RASA3: variants seen among roughly 807,000 people sequenced by gnomAD.
RASA3 encodes the protein RAS p21 protein activator 3, also known as ras GTPase-activating protein 3.
Under a neutral mutation model 110.0 loss-of-function variants are expected in RASA3, and 73 were observed. The observed-to-expected ratio is 0.66, with a 90% CI of 0.55 to 0.81. The LOEUF is 0.81. RASA3 is among the 30% of genes least tolerant of loss of function. The pLI, the probability that RASA3 is intolerant of heterozygous loss-of-function variation, is 0.00. For synonymous variants in RASA3, 500 were observed against 451.4 expected (o/e 1.11, Z -1.37); for missense variants, 976 against 1,113.2 (o/e 0.88, Z 1.75).
At chr13:114,103,513 A>ACCG (rs1394655224) in intron 1 of RASA3, among the ~76,000 whole-genome samples, 2 of 151,080 alleles carry the variant, frequency 1.3e-5, no homozygotes, top group African/African-American at 4.9e-5. Flanking sequence ...TCGGCTCAGC[A>ACCG]CCACCACCCC....
intron 2 of RASA3, among the ~76,000 whole-genome samples, chr13:114,070,123 G>A (rs1403416039): frequency 5.3e-5 from 6 of 112,238 alleles, no homozygotes; most frequent in Admixed American, 8.7e-5. Context: ...CAGGAGACTC[G>A]GGGGCTGGGA....
At chr13:114,104,709 G>A (rs1055507262) in intron 1 of RASA3, among the ~76,000 whole-genome samples, 1 of 152,120 alleles carries the variant, frequency 6.6e-6, no homozygotes, top group African/African-American at 2.4e-5. Context: ...CGAAACTTTG[G>A]TTTTCCGTTC....
chr13:114,031,463 T>G (rs1462250168), intron 4 of RASA3, among the ~76,000 whole-genome samples: 1 of 151,828 alleles, frequency 6.6e-6, no homozygotes, highest in African/African-American at 2.4e-5. Context: ...CTGTAGTGTG[T>G]GGCTGTGTGC....
At position 113,992,615 on chromosome 13, in the gene RASA3, G is replaced by T. The variant is rs752560821; in HGVS notation, c.2142-27C>A. ...TGTCCAGACACAGCAAGAACAGAAA[G>T]ATAAAAACACTTATTTAAACGATGC... On this transcript the variant is annotated intron_variant, in intron 21 of 23. Transcript: ENST00000334062. 4 of 1,514,914 alleles carry T rather than the reference G, an allele frequency of 2.6e-6. No individual in the cohort carries two copies. In the East Asian group the frequency reaches 9.1e-5, roughly 34 times the overall value. The allele number at this position is 1,514,914 out of a possible 1,614,324, so 93.8% of individuals were successfully genotyped here.
chr13:114,045,126 G>A (rs1175318137), intron 3 of RASA3, among the ~76,000 whole-genome samples: 1 of 152,134 alleles, frequency 6.6e-6, no homozygotes, highest in Non-Finnish European at 1.5e-5. Flanking sequence ...TCAACAATGG[G>A]GACCGTGGAC....
At chr13:113,995,433 G>A (rs564975620) in intron 21 of RASA3, among the ~76,000 whole-genome samples, 181 of 152,388 alleles carry the variant, frequency 1.2e-3, no homozygotes, top group Non-Finnish European at 2.0e-3. Context: ...CCAGCATGGA[G>A]CACAGCTCAT....
intron 23 of RASA3, among the ~76,000 whole-genome samples, chr13:113,980,064 T>A (rs2052879730): frequency 7.7e-6 from 1 of 130,284 alleles, no homozygotes; most frequent in South Asian, 2.6e-4. Flanking sequence ...TGTGTGCACC[T>A]CCTCCCATGT....
intron 1 of RASA3, among the ~76,000 whole-genome samples, chr13:114,089,981 G>A (rs2079871076): frequency 6.6e-6 from 1 of 152,102 alleles, no homozygotes; most frequent in South Asian, 2.1e-4. Context: ...TCACAGCTCT[G>A]CCCATCTTCC....
At chr13:114,047,682 T>C (rs911610927) in intron 3 of RASA3, among the ~76,000 whole-genome samples, 13 of 152,234 alleles carry the variant, frequency 8.5e-5, no homozygotes, top group East Asian at 1.9e-4. Flanking sequence ...GAGCTGTGTC[T>C]GTATGATGGA....
intron 4 of RASA3, among the ~76,000 whole-genome samples, chr13:114,030,460 A>ACAGGAGGCAAGACTCACG (rs1594352658): frequency 2.0e-5 from 2 of 98,496 alleles, no homozygotes; most frequent in East Asian, 3.7e-4. Context: ...CAAGGCTCAC[A>ACAGGAGGCAAGACTCACG]CAGAGGGCAA....
chr13:114,040,194 C>T (rs1366675920), intron 4 of RASA3, among the ~76,000 whole-genome samples: 2 of 152,228 alleles, frequency 1.3e-5, no homozygotes, highest in South Asian at 2.1e-4. Flanking sequence ...AGGCTCACTC[C>T]GAGCACAAGT....
intron 20 of RASA3, among the ~76,000 whole-genome samples, chr13:113,997,900 T>C (rs954546702): frequency 1.3e-5 from 2 of 152,120 alleles, no homozygotes; most frequent in African/African-American, 4.8e-5. Flanking sequence ...CCGGCACATG[T>C]GTATAGGTCT....
chr13:114,010,489 A>T (rs1180222721), intron 16 of RASA3, among the ~76,000 whole-genome samples: 1 of 151,422 alleles, frequency 6.6e-6, no homozygotes, highest in Non-Finnish European at 1.5e-5. Context: ...CAGATGCCTG[A>T]GGGACTCCTG....
At chr13:114,003,476 A>G (rs529671323) in intron 18 of RASA3, among the ~76,000 whole-genome samples, 1 of 152,364 alleles carries the variant, frequency 6.6e-6, no homozygotes, top group African/African-American at 2.4e-5. Flanking sequence ...TGAAATGTAG[A>G]AAGTAAAAAG....
intron 2 of RASA3, among the ~76,000 whole-genome samples, chr13:114,070,068 A>T (rs1289382508): frequency 2.1e-5 from 1 of 47,204 alleles, no homozygotes; most frequent in African/African-American, 9.5e-5. Context: ...GGACTGGGAG[A>T]CTCGGGGAGC....
At chr13:114,095,615 C>T (rs771549606) in intron 1 of RASA3, among the ~76,000 whole-genome samples, 13 of 152,112 alleles carry the variant, frequency 8.5e-5, no homozygotes, top group Non-Finnish European at 1.8e-4. Context: ...GTCATGCACA[C>T]ACCTTCACAT....
intron 2 of RASA3, among the ~76,000 whole-genome samples, chr13:114,053,789 AATTAAAAAC>A (rs1234679355): frequency 6.6e-6 from 1 of 152,262 alleles, no homozygotes; most frequent in Non-Finnish European, 1.5e-5. Context: ...ACTTCATCAA[AATTAAAAAC>A]ATTAAAAACT....
chr13:114,009,814 T>G (rs560193719), intron 16 of RASA3, among the ~76,000 whole-genome samples: 3 of 152,158 alleles, frequency 2.0e-5, no homozygotes, highest in Non-Finnish European at 4.4e-5. Flanking sequence ...CCTGGAGTCA[T>G]AGGCCAGGGT....
At chr13:114,100,526 G>T (rs185213431) in intron 1 of RASA3, among the ~76,000 whole-genome samples, 1 of 152,222 alleles carries the variant, frequency 6.6e-6, no homozygotes, top group East Asian at 1.9e-4. Flanking sequence ...GTCCCCCTGC[G>T]CTGCGCCCCA....
Sources: allele counts gnomAD v4.1 joint callset (sites outside exome capture counted in the v4.1 genomes callset), GRCh38; gene constraint gnomAD v4.1.1; transcripts MANE v1.5; gene names NCBI Gene and HGNC (gene_info 2026-07-23, HGNC 2026-07-21).